GALNTL6: variants seen among roughly 807,000 people sequenced by gnomAD.
The protein encoded by GALNTL6 is polypeptide N-acetylgalactosaminyltransferase like 6, also known as polypeptide N-acetylgalactosaminyltransferase-like 6.
In GALNTL6, 46 loss-of-function variants were observed where a neutral mutation model predicts 73.7. That is an observed-to-expected ratio of 0.62 (90% CI 0.49 to 0.80). The LOEUF (loss-of-function observed/expected upper bound fraction) is 0.80, where lower values mean the gene tolerates loss of function less well. Among genes scored for constraint, GALNTL6 ranks in the 30% least tolerant of loss-of-function variants. GALNTL6 has a pLI of 0.00. For missense variants in GALNTL6, 604 were observed against 755.0 expected (o/e 0.80, Z 2.34); for synonymous variants, 259 against 263.7 (o/e 0.98, Z 0.17).
chr4:172,962,328 G>A (rs1357345801), intron 10 of GALNTL6, among the ~76,000 whole-genome samples: 1 of 152,166 alleles, frequency 6.6e-6, no homozygotes, highest in Non-Finnish European at 1.5e-5. Flanking sequence ...CACATTAACT[G>A]TGGTATATTT....
At chr4:171,824,093 A>ATATT (rs1440128232) in intron 2 of GALNTL6, among the ~76,000 whole-genome samples, 1 of 145,804 alleles carries the variant, frequency 6.9e-6, no homozygotes, top group African/African-American at 2.5e-5. Flanking sequence ...ATATATATAT[A>ATATT]TATATATATA....
chr4:172,103,479 T>A (rs1404135516), intron 2 of GALNTL6, among the ~76,000 whole-genome samples: 1 of 152,198 alleles, frequency 6.6e-6, no homozygotes, highest in Non-Finnish European at 1.5e-5. Context: ...TATAAAGGGA[T>A]GTACAGTCAC....
chr4:172,642,753 A>G (rs1055376626), intron 5 of GALNTL6, among the ~76,000 whole-genome samples: 1 of 151,986 alleles, frequency 6.6e-6, no homozygotes, highest in Non-Finnish European at 1.5e-5. Context: ...GAGGTAATGC[A>G]TATGTTAATT....
intron 5 of GALNTL6, among the ~76,000 whole-genome samples, chr4:172,601,457 T>C (rs1449574669): frequency 6.6e-6 from 1 of 152,118 alleles, no homozygotes; most frequent in Admixed American, 6.6e-5. Context: ...GATAAATCAC[T>C]GAAAATAGGT....
At chr4:172,245,282 A>G (rs1045620393) in intron 3 of GALNTL6, among the ~76,000 whole-genome samples, 3 of 152,152 alleles carry the variant, frequency 2.0e-5, no homozygotes, top group African/African-American at 7.2e-5. Context: ...ACCGTACCTA[A>G]TGTTTTTACC....
chr4:172,186,786 T>C (rs1284688645), intron 2 of GALNTL6, among the ~76,000 whole-genome samples: 5 of 152,046 alleles, frequency 3.3e-5, no homozygotes, highest in Non-Finnish European at 7.4e-5. Flanking sequence ...GTTAAAAGAA[T>C]ATGGAGTAAC....
chr4:172,166,180 C>T (rs550419374), intron 2 of GALNTL6, among the ~76,000 whole-genome samples: 16 of 152,100 alleles, frequency 1.1e-4, no homozygotes, highest in Non-Finnish European at 1.6e-4. Flanking sequence ...CATTTTTGTC[C>T]GGGCATGGAG....
chr4:172,776,751 G>A (rs1739095997), intron 5 of GALNTL6, among the ~76,000 whole-genome samples: 1 of 152,170 alleles, frequency 6.6e-6, no homozygotes, highest in Non-Finnish European at 1.5e-5. Context: ...GCTTGGTCAT[G>A]CTTGTTTCTG....
rs1741840211 is a variant in GALNTL6 at position 172,348,684 on chromosome 4, A to T, written c.548A>T (p.Glu183Val). 6.2e-7 allele frequency: 1 copy of T among 1,603,674 alleles called. No homozygotes were observed. The highest frequency in any genetic ancestry group is 8.5e-7 in the Non-Finnish European group (1 of 1,172,892). Residue 183 changes from glutamate to valine, a missense_variant, in exon 5 of 13, where the codon GAG (glutamate) becomes GTG (valine). By Grantham distance (121) the Glu-to-Val change is moderately radical (BLOSUM62 -2). Around this residue, in one of 5 missense-constraint regions of GALNTL6, gnomAD observed 179 missense variants for 230.8 expected, o/e 0.78. Coordinates refer to ENST00000506823, the MANE Select transcript of GALNTL6 (RefSeq NM_001034845.3). ...AEIILVDDFSEREHLKDKLEE... is the reference protein window; with the variant it reads ...AEIILVDDFSVREHLKDKLEE... Reference sequence around the variant, plus strand: ...ATCATTCTAGTAGATGACTTCAGTGAGAGAGGTAAGATACAGTTGATAACA... The same window carrying T: ...ATCATTCTAGTAGATGACTTCAGTGTGAGAGGTAAGATACAGTTGATAACA...
At chr4:172,068,211 G>A (rs1262975882) in intron 2 of GALNTL6, among the ~76,000 whole-genome samples, 1 of 108,638 alleles carries the variant, frequency 9.2e-6, no homozygotes, top group African/African-American at 3.5e-5. Context: ...TTCTGAAAGT[G>A]TCTACTTTTT....
chr4:172,713,802 G>A (rs753731672), intron 5 of GALNTL6, among the ~76,000 whole-genome samples: 3 of 152,056 alleles, frequency 2.0e-5, no homozygotes, highest in Non-Finnish European at 2.9e-5. Context: ...TGTTGTCATC[G>A]TTTTAGTTAA....
intron 7 of GALNTL6, among the ~76,000 whole-genome samples, chr4:172,875,766 C>CACAA (rs1343008196): frequency 3.4e-5 from 5 of 148,696 alleles, no homozygotes; most frequent in Admixed American, 3.3e-4. Context: ...CACACACACA[C>CACAA]ACAAATAAGA....
At chr4:171,919,331 G>C (rs1478484579) in intron 2 of GALNTL6, among the ~76,000 whole-genome samples, 1 of 151,994 alleles carries the variant, frequency 6.6e-6, no homozygotes, top group Non-Finnish European at 1.5e-5. Context: ...TTTCATTTTA[G>C]TTCCTTCAGA....
At chr4:172,478,538 G>A (rs969818087) in intron 5 of GALNTL6, among the ~76,000 whole-genome samples, 1 of 152,134 alleles carries the variant, frequency 6.6e-6, no homozygotes, top group African/African-American at 2.4e-5. Flanking sequence ...TACATGTAAG[G>A]CTGGAAACCA....
intron 12 of GALNTL6, among the ~76,000 whole-genome samples, chr4:173,032,799 C>T (rs1753525819): frequency 6.6e-6 from 1 of 151,912 alleles, no homozygotes; most frequent in Non-Finnish European, 1.5e-5. Flanking sequence ...GCAGAGCAGG[C>T]ATCTAACACA....
intron 3 of GALNTL6, among the ~76,000 whole-genome samples, chr4:172,304,360 C>T (rs1028722167): frequency 6.6e-6 from 1 of 151,896 alleles, no homozygotes; most frequent in Non-Finnish European, 1.5e-5. Flanking sequence ...GAGCATACAT[C>T]CCAATGGGAA....
intron 2 of GALNTL6, among the ~76,000 whole-genome samples, chr4:172,206,784 TTTGTTTTG>T (rs1736129154): frequency 5.4e-5 from 3 of 55,224 alleles, no homozygotes; most frequent in South Asian, 1.4e-3. Flanking sequence ...TGTTTTTTGT[TTTGTTTTG>T]TTTTGTTTTT....
intron 2 of GALNTL6, among the ~76,000 whole-genome samples, chr4:171,847,318 T>G (rs893584460): frequency 6.6e-6 from 1 of 152,204 alleles, no homozygotes; most frequent in Non-Finnish European, 1.5e-5. Flanking sequence ...AAACACAATA[T>G]ACACACCTTA....
At chr4:172,442,179 A>T (rs1185134346) in intron 5 of GALNTL6, among the ~76,000 whole-genome samples, 1 of 152,182 alleles carries the variant, frequency 6.6e-6, no homozygotes, top group African/African-American at 2.4e-5. Flanking sequence ...ACATTGACTC[A>T]GTATTCACTG....
Sources: allele counts gnomAD v4.1 joint callset (sites outside exome capture counted in the v4.1 genomes callset), GRCh38; gene constraint gnomAD v4.1.1; regional missense constraint gnomAD v4.1.1; transcripts MANE v1.5; gene names NCBI Gene and HGNC (gene_info 2026-07-23, HGNC 2026-07-21).